CACNB2: variants seen among roughly 807,000 people sequenced by gnomAD.
CACNB2 encodes calcium voltage-gated channel auxiliary subunit beta 2.
CACNB2 carries 42 observed loss-of-function variants against 73.3 expected under a neutral mutation model. The ratio of observed to expected loss-of-function variants is 0.57; its 90% CI spans 0.45 to 0.74. The LOEUF is 0.74. CACNB2 is among the 30% of genes least tolerant of loss of function. CACNB2 has a pLI of 0.00. For synonymous variants in CACNB2, 348 were observed against 310.3 expected (o/e 1.12, Z -1.28); for missense variants, 940 against 853.0 (o/e 1.10, Z -1.27).
chr10:18,536,243 CTTTTTTTTTTTTT>C (rs904187820), intron 12 of CACNB2, 47 bp downstream of exon 12: 10 of 283,206 alleles, frequency 3.5e-5, no homozygotes, highest in African/African-American at 1.3e-4. Context: ...GAGATCAGAC[CTTTTTTTTTTTTT>C]TTTTTTTTTT....
intron 3 of CACNB2, among the ~76,000 whole-genome samples, chr10:18,497,601 T>G (rs1190427633): frequency 6.6e-6 from 1 of 152,106 alleles, no homozygotes; most frequent in Non-Finnish European, 1.5e-5. Context: ...TTGTTTTTGA[T>G]TTTTAGTGAG....
At chr10:18,358,925 A>G (rs1460223211) in intron 2 of CACNB2, among the ~76,000 whole-genome samples, 1 of 152,188 alleles carries the variant, frequency 6.6e-6, no homozygotes, top group Non-Finnish European at 1.5e-5. Flanking sequence ...AAATATGGCC[A>G]TATTAGAAAA....
At chr10:18,155,993 T>G (rs573276933) in intron 2 of CACNB2, among the ~76,000 whole-genome samples, 9 of 151,926 alleles carry the variant, frequency 5.9e-5, no homozygotes, top group Non-Finnish European at 1.3e-4. Context: ...ATTTTATTAC[T>G]CTTTGTAGTC....
intron 2 of CACNB2, among the ~76,000 whole-genome samples, chr10:18,169,409 TACTCCCTTGAA>T (rs1046490967): frequency 6.6e-6 from 1 of 152,134 alleles, no homozygotes; most frequent in African/African-American, 2.4e-5. Context: ...AGGCATATAA[TACTCCCTTGAA>T]AATAACCCAG....
intron 2 of CACNB2, among the ~76,000 whole-genome samples, chr10:18,208,343 A>T (rs1429333237): frequency 6.6e-6 from 1 of 152,012 alleles, no homozygotes; most frequent in Admixed American, 6.6e-5. Flanking sequence ...GAATGTAGTG[A>T]TATGTGGCTG....
chr10:18,167,223 C>T (rs2032917833), intron 2 of CACNB2, among the ~76,000 whole-genome samples: 1 of 152,026 alleles, frequency 6.6e-6, no homozygotes, highest in Non-Finnish European at 1.5e-5. Flanking sequence ...CATGTTCTCA[C>T]TTATAAGTGG....
chr10:18,207,471 A>G (rs930423815), intron 2 of CACNB2, among the ~76,000 whole-genome samples: 2 of 152,202 alleles, frequency 1.3e-5, no homozygotes, highest in African/African-American at 4.8e-5. Flanking sequence ...TCAGGCATCC[A>G]CCAGAGGTCT....
At chr10:18,408,649 C>T (rs1484338059) in intron 3 of CACNB2, among the ~76,000 whole-genome samples, 1 of 152,140 alleles carries the variant, frequency 6.6e-6, no homozygotes, top group African/African-American at 2.4e-5. Flanking sequence ...CCAAGATGCT[C>T]AGGCAGTGCT....
intron 3 of CACNB2, among the ~76,000 whole-genome samples, chr10:18,435,673 AT>A (rs897628948): frequency 1.3e-5 from 2 of 151,624 alleles, no homozygotes; most frequent in Non-Finnish European, 2.9e-5. Context: ...TAATTTTTGT[AT>A]TTTTTTGTAG....
At chr10:18,258,808 T>C (rs566080641) in intron 2 of CACNB2, among the ~76,000 whole-genome samples, 1 of 152,162 alleles carries the variant, frequency 6.6e-6, no homozygotes, top group East Asian at 1.9e-4. Flanking sequence ...TTAGTGTTCC[T>C]CTCACTGAAG....
intron 2 of CACNB2, among the ~76,000 whole-genome samples, chr10:18,358,617 G>A (rs1006515072): frequency 2.0e-5 from 3 of 147,538 alleles, no homozygotes; most frequent in African/African-American, 7.5e-5. Context: ...TTCCTATACA[G>A]GTACAAGGTG....
In CACNB2 at chr10:18,539,719, C is replaced by A; in HGVS notation, c.1978C>A (p.Gln660Lys). ...GEWNRDVYIR[Q>K] ...GTGGAACAGGGATGTTTACATCCGCCAATGAGTTTTGCCCGTTTGTGTTTT... is the reference window on the plus strand; with the variant it reads ...GTGGAACAGGGATGTTTACATCCGCAAATGAGTTTTGCCCGTTTGTGTTTT... The change falls in exon 14 of 14, where the codon CAA (glutamine) becomes AAA (lysine). Residue 660 changes from glutamine (Q) to lysine (K), a missense_variant. Gln to Lys is a moderately conservative substitution (Grantham distance 53, BLOSUM62 1). Transcript: ENST00000324631. The A allele has an allele frequency of 6.2e-7, 1 of 1,600,752 alleles. No homozygotes were observed.
At chr10:18,397,683 C>T (rs1205323224) in intron 2 of CACNB2, among the ~76,000 whole-genome samples, 1 of 142,684 alleles carries the variant, frequency 7.0e-6, no homozygotes, top group East Asian at 2.0e-4. Flanking sequence ...CCATTGCACT[C>T]CAGCCTGGGC....
In CACNB2 at chr10:18,140,613, A is replaced by C; in HGVS notation, c.-124A>C. On this transcript the variant is annotated 5_prime_UTR_variant, in exon 1 of 14. Coordinates refer to ENST00000324631, the MANE Select transcript of CACNB2 (RefSeq NM_201596.3). ...CGGGGCGCTGCGGGGCGCTGCGCCGAGAACGGCCGGGCCTGAGCCCTGGGC... is the reference window on the plus strand; with the variant it reads ...CGGGGCGCTGCGGGGCGCTGCGCCGCGAACGGCCGGGCCTGAGCCCTGGGC... The C allele has an allele frequency of 1.4e-6, 1 of 721,992 alleles. No individual in the cohort carries two copies. Among genetic ancestry groups the C allele is most frequent in the African/African-American group, 1.9e-5 (1 of 52,530 alleles). 44.7% of individuals were successfully genotyped at this position (721,992 alleles called of 1,614,324 possible).
intron 2 of CACNB2, among the ~76,000 whole-genome samples, chr10:18,156,984 G>A (rs550293089): frequency 7.2e-5 from 11 of 151,908 alleles, no homozygotes; most frequent in Middle Eastern, 3.4e-3. Context: ...CAGAGACTGC[G>A]GTGAGCCGAG....
chr10:18,539,331 C>T lies in CACNB2; in HGVS notation c.1590C>T (p.His530=), dbSNP rs1391816456. The T allele has an allele frequency of 1.2e-6, 2 of 1,613,870 alleles. No individual in the cohort carries two copies. Among genetic ancestry groups the T allele is most frequent in the African/African-American group, 2.7e-5 (2 of 74,842 alleles). ...TGGAACCAGTCAAGAAATCCCAGCA[C>T]CGCTCTTCCTCCTCAGCCCCACACC... is the stretch of plus-strand genomic sequence containing the variant. ...PSVEPVKKSQ[H]RSSSSAPHHN... Residue 530 remains histidine, a synonymous_variant, in exon 14 of 14, where the codon CAC becomes CAT. Transcript: ENST00000324631.
chr10:18,292,036 A>C (rs1184188631), intron 2 of CACNB2, among the ~76,000 whole-genome samples: 2 of 152,224 alleles, frequency 1.3e-5, no homozygotes, highest in Admixed American at 6.5e-5. Context: ...TCACCTTTGC[A>C]TACACACACA....
intron 3 of CACNB2, among the ~76,000 whole-genome samples, chr10:18,424,375 G>A (rs531994604): frequency 3.9e-5 from 6 of 152,062 alleles, no homozygotes; most frequent in Admixed American, 1.3e-4. Context: ...GGGGCTATTC[G>A]TGCAGAAATC....
At chr10:18,394,376 T>C (rs140431534) in intron 2 of CACNB2, among the ~76,000 whole-genome samples, 1 of 152,344 alleles carries the variant, frequency 6.6e-6, no homozygotes, top group Non-Finnish European at 1.5e-5. Flanking sequence ...TAGAAATGGC[T>C]ATACCTATGA....
Sources: gnomAD v4.1 joint callset for allele counts (sites outside exome capture counted in the v4.1 genomes callset) on GRCh38, gnomAD v4.1.1 for gene constraint, MANE v1.5 for transcripts, NCBI Gene and HGNC (gene_info 2026-07-23, HGNC 2026-07-21) for gene names.